SSBP2: variants seen among roughly 807,000 people sequenced by gnomAD.
The protein encoded by SSBP2 is single-stranded DNA-binding protein 2.
A neutral mutation model predicts 61.8 loss-of-function variants in SSBP2; 17 were observed. The observed-to-expected ratio is 0.28, with a 90% CI of 0.19 to 0.41. The LOEUF is 0.41. Among genes scored for constraint, SSBP2 ranks in the 10% least tolerant of loss-of-function variants. The probability of loss-of-function intolerance (pLI) is 1.00; values close to 1 mark genes in which losing one functional copy is unlikely to be tolerated. For missense variants in SSBP2, 310 were observed against 458.7 expected (o/e 0.68, Z 2.96); for synonymous variants, 139 against 141.3 (o/e 0.98, Z 0.12).
intron 1 of SSBP2, among the ~76,000 whole-genome samples, chr5:81,728,191 T>A (rs933615125): frequency 6.6e-6 from 1 of 152,238 alleles, no homozygotes; most frequent in African/African-American, 2.4e-5. Context: ...AGATAGATAA[T>A]GTAAATGCAA....
At chr5:81,747,397 T>C (rs1341052297) in intron 1 of SSBP2, among the ~76,000 whole-genome samples, 1 of 152,092 alleles carries the variant, frequency 6.6e-6, no homozygotes, top group Non-Finnish European at 1.5e-5. Flanking sequence ...TCATATTTCT[T>C]TAATGGAGGA....
intron 4 of SSBP2, among the ~76,000 whole-genome samples, chr5:81,574,944 TG>T (rs1256645464): frequency 6.6e-6 from 1 of 152,200 alleles, no homozygotes; most frequent in Admixed American, 6.5e-5. Flanking sequence ...CTAACTGAAG[TG>T]TACTCTTCAG....
At position 81,607,606 on chromosome 5, in the gene SSBP2, T is replaced by A. The variant is rs190533589; in HGVS notation, c.282+7867A>T. Among the ~76,000 whole-genome samples the A allele has an allele frequency of 2.6e-5, 4 of 152,316 alleles. No homozygotes were observed. The East Asian group carries it at 7.7e-4, about 29-fold the overall frequency. Reference sequence around the variant, plus strand: ...GTTGAGAGATTTCCCTACCTATTAATCTAAGTTTCCAAAACTTCTGGAAGA... The same window carrying A: ...GTTGAGAGATTTCCCTACCTATTAAACTAAGTTTCCAAAACTTCTGGAAGA... On this transcript the variant is annotated intron_variant, in intron 4 of 16. Transcript: ENST00000320672.
At chr5:81,568,409 T>C (rs1326161525) in intron 4 of SSBP2, among the ~76,000 whole-genome samples, 3 of 152,214 alleles carry the variant, frequency 2.0e-5, no homozygotes, top group African/African-American at 7.2e-5. Context: ...CCTTCTGCCA[T>C]GATTGTGAGG....
chr5:81,584,178 T>C (rs927830285), intron 4 of SSBP2, among the ~76,000 whole-genome samples: 5 of 152,168 alleles, frequency 3.3e-5, no homozygotes, highest in Non-Finnish European at 7.4e-5. Context: ...AATATTTAAA[T>C]ATTTGGCCTA....
chr5:81,745,789 T>C (rs768964927), intron 1 of SSBP2, among the ~76,000 whole-genome samples: 19 of 152,102 alleles, frequency 1.2e-4, no homozygotes, highest in Non-Finnish European at 2.5e-4. Context: ...AGAAAGAAGA[T>C]TCTAAATTTG....
rs756919683 is a variant in SSBP2 at position 81,420,454 on chromosome 5, C to T, written c.*50G>A. On this transcript the variant is annotated 3_prime_UTR_variant, in exon 17 of 17. Coordinates refer to ENST00000320672, the MANE Select transcript of SSBP2 (RefSeq NM_012446.5). ...TGAATAATTTTCTTCCGTAGTAGTT[C>T]TGTGAAGGGCTGACTCACTGTGGTT... The T allele has an allele frequency of 1.9e-6, 3 of 1,576,266 alleles. No individual in the cohort carries two copies. The highest frequency in any genetic ancestry group is 1.1e-5 in the South Asian group (1 of 90,186).
At chr5:81,673,740 C>T (rs1751759955) in intron 1 of SSBP2, among the ~76,000 whole-genome samples, 1 of 152,138 alleles carries the variant, frequency 6.6e-6, no homozygotes, top group South Asian at 2.1e-4. Flanking sequence ...TATTAGAGGG[C>T]TTGGTCTTAT....
intron 1 of SSBP2, among the ~76,000 whole-genome samples, chr5:81,711,897 G>A (rs2153937673): frequency 6.6e-6 from 1 of 151,786 alleles, no homozygotes; most frequent in East Asian, 1.9e-4. Context: ...TGTAAAGGGA[G>A]GAAAATAAGA....
chr5:81,526,584 GAATTT>G (rs1769958156), intron 4 of SSBP2, among the ~76,000 whole-genome samples: 1 of 151,874 alleles, frequency 6.6e-6, no homozygotes, highest in African/African-American at 2.4e-5. Flanking sequence ...AAATGGCTTT[GAATTT>G]AATTTCAAAA....
chr5:81,592,162 A>T (rs1311225655), intron 4 of SSBP2, among the ~76,000 whole-genome samples: 1 of 152,240 alleles, frequency 6.6e-6, no homozygotes, highest in African/African-American at 2.4e-5. Context: ...CAACAGGCTT[A>T]AAAAACAGCA....
At chr5:81,527,875 C>T (rs1278336420) in intron 4 of SSBP2, among the ~76,000 whole-genome samples, 2 of 145,862 alleles carry the variant, frequency 1.4e-5, no homozygotes, top group Non-Finnish European at 3.0e-5. Flanking sequence ...ACGCGTTCTA[C>T]GTATGTATCC....
chr5:81,577,320 T>C (rs1774288687), intron 4 of SSBP2, among the ~76,000 whole-genome samples: 1 of 152,012 alleles, frequency 6.6e-6, no homozygotes, highest in Admixed American at 6.6e-5. Context: ...AAGTAATAAA[T>C]GTAAATCTTC....
chr5:81,616,788 C>G (rs910683410), intron 3 of SSBP2, among the ~76,000 whole-genome samples: 6 of 151,830 alleles, frequency 4.0e-5, no homozygotes, highest in African/African-American at 1.5e-4. Context: ...AAGTGGGTCC[C>G]TGACCCCTGT....
At chr5:81,551,652 A>C (rs966934581) in intron 4 of SSBP2, among the ~76,000 whole-genome samples, 1 of 152,206 alleles carries the variant, frequency 6.6e-6, no homozygotes, top group Admixed American at 6.5e-5. Flanking sequence ...CATTTCTTCC[A>C]GTAAAGCTCT....
At chr5:81,515,084 A>G (rs748958320) in intron 4 of SSBP2, among the ~76,000 whole-genome samples, 3 of 152,076 alleles carry the variant, frequency 2.0e-5, no homozygotes, top group Non-Finnish European at 2.9e-5. Context: ...TTATATAGCA[A>G]CATTCATGTT....
chr5:81,431,205 G>C (rs1762262255), intron 15 of SSBP2, among the ~76,000 whole-genome samples: 1 of 152,064 alleles, frequency 6.6e-6, no homozygotes, highest in Non-Finnish European at 1.5e-5. Context: ...AAAGGACTTA[G>C]GTTGGTCAAA....
At chr5:81,545,118 C>G (rs187448119) in intron 4 of SSBP2, among the ~76,000 whole-genome samples, 1 of 152,140 alleles carries the variant, frequency 6.6e-6, no homozygotes, top group African/African-American at 2.4e-5. Context: ...ATACAGAGAG[C>G]ACAGCTGAAT....
At chr5:81,622,932 C>T (rs1746751036) in intron 3 of SSBP2, among the ~76,000 whole-genome samples, 1 of 152,094 alleles carries the variant, frequency 6.6e-6, no homozygotes, top group Admixed American at 6.5e-5. Context: ...CTATAATAAG[C>T]AGTAAATACA....
Sources: allele counts gnomAD v4.1 joint callset (sites outside exome capture counted in the v4.1 genomes callset), GRCh38; gene constraint gnomAD v4.1.1; transcripts MANE v1.5; gene names NCBI Gene and HGNC (gene_info 2026-07-23, HGNC 2026-07-21).